ST18: variants seen among roughly 807,000 people sequenced by gnomAD.
ST18 encodes suppression of tumorigenicity 18 protein.
A neutral mutation model predicts 110.0 loss-of-function variants in ST18; 50 were observed. That is an observed-to-expected ratio of 0.45 (90% CI 0.36 to 0.58). ST18 has a LOEUF of 0.58. Ranked by LOEUF, ST18 falls within the 20% of genes least tolerant of loss-of-function variation. The probability of loss-of-function intolerance (pLI) is 0.00; values close to 1 mark genes in which losing one functional copy is unlikely to be tolerated. For synonymous variants in ST18, 461 were observed against 452.4 expected (o/e 1.02, Z -0.24); for missense variants, 1,306 against 1,280.1 (o/e 1.02, Z -0.31).
intron 2 of ST18, among the ~76,000 whole-genome samples, chr8:52,351,805 C>T (rs552180842): frequency 6.6e-6 from 1 of 152,228 alleles, no homozygotes; most frequent in East Asian, 1.9e-4. Context: ...ATGGCATGAC[C>T]TTCGGGTGGT....
At chr8:52,187,351 G>A (rs986247704) in intron 8 of ST18, among the ~76,000 whole-genome samples, 7 of 152,134 alleles carry the variant, frequency 4.6e-5, no homozygotes, top group African/African-American at 1.4e-4. Flanking sequence ...ATATAAAACA[G>A]CCATTAATGA....
chr8:52,306,052 C>T (rs200271170), intron 2 of ST18, among the ~76,000 whole-genome samples: 2 of 152,204 alleles, frequency 1.3e-5, no homozygotes, highest in Admixed American at 6.5e-5. Context: ...CCTCCCCACT[C>T]GGCCACATTG....
intron 2 of ST18, among the ~76,000 whole-genome samples, chr8:52,373,669 G>C (rs1042430093): frequency 1.3e-5 from 2 of 152,072 alleles, no homozygotes; most frequent in Non-Finnish European, 2.9e-5. Context: ...TGATCTTCAT[G>C]TCTTCACTCT....
chr8:52,384,924 T>C (rs1447698008), intron 2 of ST18, among the ~76,000 whole-genome samples: 1 of 152,066 alleles, frequency 6.6e-6, no homozygotes, highest in Non-Finnish European at 1.5e-5. Flanking sequence ...CCGGGTACTG[T>C]TGGAGGATAT....
At chr8:52,375,867 C>T (rs971975098) in intron 2 of ST18, among the ~76,000 whole-genome samples, 3 of 152,138 alleles carry the variant, frequency 2.0e-5, no homozygotes, top group Non-Finnish European at 4.4e-5. Context: ...CCACCCACAG[C>T]CTTTTCCATA....
At chr8:52,140,342 C>G (rs188024134) in intron 17 of ST18, among the ~76,000 whole-genome samples, 40 of 152,190 alleles carry the variant, frequency 2.6e-4, no homozygotes, top group Non-Finnish European at 5.4e-4. Flanking sequence ...CCAGCCTGGC[C>G]AACATGGCGA....
intron 2 of ST18, among the ~76,000 whole-genome samples, chr8:52,268,699 T>C (rs1308160516): frequency 6.6e-6 from 1 of 152,060 alleles, no homozygotes; most frequent in Non-Finnish European, 1.5e-5. Context: ...CTAGGGGACA[T>C]AAAAGAGACC....
intron 2 of ST18, chr8:52,406,883 A>T (rs992813176): frequency 6.6e-6 from 1 of 152,230 alleles, no homozygotes; most frequent in Admixed American, 6.5e-5. Context: ...ACAGGAGCCA[A>T]AGTCATCTAG....
Position 52,159,014 on chromosome 8 carries a change from C to T in ST18, c.1690G>A (p.Gly564Ser), listed in dbSNP as rs181868806. The change falls in exon 15 of 26, where the codon GGT becomes AGT. Residue 564 changes from glycine to serine, a missense_variant. Physicochemically the swap from Gly to Ser is moderately conservative, Grantham distance 56. Coordinates refer to ENST00000689386, the MANE Select transcript of ST18 (RefSeq NM_001352837.2). ...ATGTGGGTGTCTTCACTACATTGAC[C>T]GTAGCTATAAGAGCTGGCACGGCCA... ...SPGRASSYSY[G>S]QCSEDTHIAA... 584 of 1,614,112 alleles carry T rather than the reference C, an allele frequency of 3.6e-4. 5 individuals are homozygous for T. The highest frequency in any genetic ancestry group is 9.0e-4 in the South Asian group (82 of 91,064).
intron 2 of ST18, among the ~76,000 whole-genome samples, chr8:52,247,509 C>T (rs1328460301): frequency 6.6e-6 from 1 of 152,144 alleles, no homozygotes; most frequent in East Asian, 1.9e-4. Context: ...TTTGCTGTAC[C>T]CGTAAGGATG....
chr8:52,154,977 GGATCACCT>G (rs2059683926), intron 15 of ST18: 1 of 151,964 alleles, frequency 6.6e-6, no homozygotes, highest in African/African-American at 2.4e-5. Flanking sequence ...CGAGACGGGC[GGATCACCT>G]GAGGTCAGGA....
intron 22 of ST18, among the ~76,000 whole-genome samples, chr8:52,130,126 A>AGAAAGAAAGAAAGAAC (rs2048830491): frequency 2.2e-5 from 3 of 135,832 alleles, no homozygotes; most frequent in Admixed American, 7.1e-5. Flanking sequence ...AAGAAAAGAA[A>AGAAAGAAAGAAAGAAC]GAAAGAAAGA....
At chr8:52,181,188 G>A (rs1028273880) in intron 8 of ST18, among the ~76,000 whole-genome samples, 5 of 152,172 alleles carry the variant, frequency 3.3e-5, no homozygotes, top group Admixed American at 2.6e-4. Context: ...TTTATTAAAT[G>A]TACTTTGAAG....
chr8:52,316,644 T>G (rs2096032633), intron 2 of ST18, among the ~76,000 whole-genome samples: 1 of 152,166 alleles, frequency 6.6e-6, no homozygotes, highest in South Asian at 2.1e-4. Context: ...AGTCTCCCCA[T>G]CCTCACATTA....
chr8:52,189,702 C>G (rs1339664488), intron 8 of ST18, among the ~76,000 whole-genome samples: 2 of 152,220 alleles, frequency 1.3e-5, no homozygotes, highest in South Asian at 2.1e-4. Context: ...CATTCACGGA[C>G]TATTGCACTT....
intron 21 of ST18, among the ~76,000 whole-genome samples, chr8:52,132,732 A>G (rs1294036267): frequency 6.6e-6 from 1 of 152,190 alleles, no homozygotes; most frequent in Non-Finnish European, 1.5e-5. Flanking sequence ...ATTTCACCTT[A>G]AGCAAAATTA....
At chr8:52,132,958 C>T in intron 21 of ST18, 99 bp downstream of exon 21, 3 of 1,357,758 alleles carry the variant, frequency 2.2e-6, no homozygotes, top group Middle Eastern at 1.9e-4. Flanking sequence ...GTACACCTTC[C>T]CTGAAACTCA....
intron 13 of ST18, among the ~76,000 whole-genome samples, chr8:52,162,686 T>A (rs2061781518): frequency 6.6e-6 from 1 of 152,200 alleles, no homozygotes; most frequent in East Asian, 1.9e-4. Context: ...GTTATTTGGA[T>A]TAAACAAGGG....
intron 2 of ST18, among the ~76,000 whole-genome samples, chr8:52,244,069 A>G (rs576879762): frequency 6.6e-6 from 1 of 152,256 alleles, no homozygotes; most frequent in Admixed American, 6.5e-5. Context: ...ATAAGACTTG[A>G]TTATGGAAGA....
Sources: gnomAD v4.1 joint callset for allele counts (sites outside exome capture counted in the v4.1 genomes callset) on GRCh38, gnomAD v4.1.1 for gene constraint, MANE v1.5 for transcripts, NCBI Gene and HGNC (gene_info 2026-07-23, HGNC 2026-07-21) for gene names.